Variants in ADAM28 observed in about 807,000 individuals in gnomAD.
ADAM28 encodes the protein disintegrin and metalloproteinase domain-containing protein 28.
Under a neutral mutation model 101.2 loss-of-function variants are expected in ADAM28, and 105 were observed. The observed-to-expected ratio is 1.04, with a 90% CI of 0.89 to 1.22. The LOEUF (loss-of-function observed/expected upper bound fraction) is 1.22, where lower values mean the gene tolerates loss of function less well. Ranked by LOEUF, ADAM28 falls within the 50% of genes most tolerant of loss-of-function variation. The pLI, the probability that ADAM28 is intolerant of heterozygous loss-of-function variation, is 0.00. For synonymous variants in ADAM28, 322 were observed against 310.6 expected, an observed-to-expected ratio of 1.04 and a Z score of -0.39; for missense variants, 1,028 against 945.4, an observed-to-expected ratio of 1.09 and a Z score of -1.15.
Position 24,349,890 on chromosome 8 carries a change from T to A in ADAM28, c.2017T>A (p.Phe673Ile). The A allele has an allele frequency of 6.2e-7, 1 of 1,613,684 alleles. No individual in the cohort carries two copies. The highest frequency in any genetic ancestry group is 1.1e-5 in the South Asian group (1 of 91,082). ...CTTCTCCATTGTGGTTGGGGTGCTG[T>A]TCCCAATGGCGGTCATTTTTGTGGT... Reference protein sequence around the residue: ...FHFSIVVGVLFPMAVIFVVVA... With the variant: ...FHFSIVVGVLIPMAVIFVVVA... The change falls in exon 19 of 23, where the codon TTC becomes ATC. Residue 673 changes from phenylalanine (F) to isoleucine (I), a missense_variant. Coordinates refer to ENST00000265769, the MANE Select transcript of ADAM28 (RefSeq NM_014265.6).
chr8:24,294,136 T>A lies in ADAM28; in HGVS notation c.-14T>A. On this transcript the variant is annotated 5_prime_UTR_variant, in exon 1 of 23. Transcript: ENST00000265769. Reference sequence around the variant, plus strand: ...GCGAGAAGAGCAGACACCGTGCTCCTGGAATCACCCAGCATGTTGCAAGGT... The same window carrying A: ...GCGAGAAGAGCAGACACCGTGCTCCAGGAATCACCCAGCATGTTGCAAGGT... 6.2e-7 allele frequency: 1 copy of A among 1,614,118 alleles called. No homozygotes were observed. Among genetic ancestry groups the A allele is most frequent in the Non-Finnish European group, 8.5e-7 (1 of 1,179,980 alleles).
intron 6 of ADAM28, among the ~76,000 whole-genome samples, chr8:24,317,300 T>C (rs1463673991): frequency 6.6e-6 from 1 of 151,882 alleles, no homozygotes; most frequent in Non-Finnish European, 1.5e-5. Flanking sequence ...TACAAAGATA[T>C]AGTAATCGAA....
intron 8 of ADAM28, among the ~76,000 whole-genome samples, chr8:24,323,394 A>G (rs1812134896): frequency 6.6e-6 from 1 of 151,994 alleles, no homozygotes; most frequent in Admixed American, 6.6e-5. Context: ...ACAACATTTC[A>G]TCATATCAAG....
intron 18 of ADAM28, among the ~76,000 whole-genome samples, chr8:24,344,091 A>T (rs781294903): frequency 6.6e-6 from 1 of 152,068 alleles, no homozygotes; most frequent in African/African-American, 2.4e-5. Context: ...TTCACACGGG[A>T]TGTCTCTGCA....
In ADAM28 at chr8:24,323,831, C is replaced by T. The variant is rs373668141; in HGVS notation, c.721-3C>T. ...TGCTTTGCCATTTATTTTCTTTGGA[C>T]AGCTTTATAAAAAGCTCAATACTCA... On this transcript the variant is annotated splice_region_variant and splice_polypyrimidine_tract_variant and intron_variant, in intron 8 of 22. Coordinates refer to ENST00000265769, the MANE Select transcript of ADAM28 (RefSeq NM_014265.6). The T allele has an allele frequency of 5.8e-5, 93 of 1,601,034 alleles. No individual in the cohort carries two copies. Among genetic ancestry groups the T allele is most frequent in the Non-Finnish European group, 7.8e-5 (91 of 1,173,588 alleles).
In ADAM28 at chr8:24,304,196, A is replaced by C. The variant is rs1256713284; in HGVS notation, c.150+4119A>C. Among the ~76,000 whole-genome samples, 6 of 150,100 alleles carry C rather than the reference A, an allele frequency of 4.0e-5. No homozygotes were observed. The Admixed American group carries it at 4.0e-4, about 10-fold the overall frequency. The stretch of plus-strand genomic sequence containing the variant: ...TTTTGAATATATATTTTGATTAACG[A>C]AAGCCATAGACTAGTTACTGGCTCA... On this transcript the variant is annotated intron_variant, in intron 2 of 22. Transcript: ENST00000265769.
intron 18 of ADAM28, among the ~76,000 whole-genome samples, chr8:24,345,183 T>A (rs1815263222): frequency 1.3e-5 from 2 of 152,066 alleles, no homozygotes; most frequent in African/African-American, 4.8e-5. Context: ...CTGGGTGATG[T>A]TCTGTTTCCA....
At position 24,343,164 on chromosome 8, in the gene ADAM28, A is replaced by T. The variant is rs376050372; in HGVS notation, c.1894A>T (p.Lys632Ter). 147 of 1,613,724 alleles carry T rather than the reference A, an allele frequency of 9.1e-5. No homozygotes were observed. Among genetic ancestry groups the T allele is most frequent in the Non-Finnish European group, 1.2e-4 (141 of 1,179,810 alleles). ...CTACAAATCAACCAATTGCTCATCT[A>T]AGTGCAAAGGACATGCTGTAAGTTC... is the stretch of plus-strand genomic sequence containing the variant. ...KAYKSTNCSS[K>*]CKGHAVCDHE... is the part of the protein sequence containing the mutation. The change falls in exon 17 of 23, where the codon AAG becomes TAG. Residue 632 changes from lysine to a stop codon, truncating the protein, a stop_gained. Transcript: ENST00000265769. LOFTEE classifies it high-confidence loss of function.
At chr8:24,322,942 T>G (rs1812074039) in intron 8 of ADAM28, among the ~76,000 whole-genome samples, 1 of 152,016 alleles carries the variant, frequency 6.6e-6, no homozygotes, top group Non-Finnish European at 1.5e-5. Flanking sequence ...TCATTATTTC[T>G]AAAGTTTATC....
rs971257750 is a variant in ADAM28 at position 24,356,588 on chromosome 8, A to C, written c.*2184A>C. Reference sequence around the variant, plus strand: ...CCAAGTCCTACAATGTTTCCCTTTCAGCTCAACTGCAGAATAGTTTAGAAC... The same window carrying C: ...CCAAGTCCTACAATGTTTCCCTTTCCGCTCAACTGCAGAATAGTTTAGAAC... On this transcript the variant is annotated 3_prime_UTR_variant, in exon 23 of 23. Transcript: ENST00000265769. 7 of 152,192 alleles carry C rather than the reference A, an allele frequency of 4.6e-5. No homozygotes were observed. Among genetic ancestry groups the C allele is most frequent in the African/African-American group, 1.7e-4 (7 of 41,460 alleles). The allele number at this position is 152,192 out of a possible 1,614,324, so 9.4% of individuals were successfully genotyped here.
chr8:24,332,663 T>C lies in ADAM28; in HGVS notation c.1285T>C (p.Cys429Arg), dbSNP rs772925282. 1.3e-5 allele frequency: 19 copies of C among 1,491,086 alleles called. No homozygotes were observed. In the East Asian group the frequency reaches 4.5e-4, roughly 36 times the overall value. 92.4% of individuals were successfully genotyped at this position (1,491,086 alleles called of 1,614,324 possible). The change falls in exon 13 of 23, where the codon TGT becomes CGT. Residue 429 changes from cysteine to arginine, a missense_variant. By Grantham distance (180) the Cys-to-Arg change is radical (BLOSUM62 -3). Coordinates refer to ENST00000265769, the MANE Select transcript of ADAM28 (RefSeq NM_014265.6). ...EDCDCGTSEECTNICCDAKTC... is the reference protein window; with the variant it reads ...EDCDCGTSEERTNICCDAKTC... ...ATTTGTTTCTCATATTTCTTAGGAA[T>C]GTACCAATATTTGCTGTGATGCTAA...
In ADAM28 at chr8:24,355,674, G is replaced by GATAGAA. The variant is rs1816637576; in HGVS notation, c.*1270_*1271insATAGAA. On this transcript the variant is annotated 3_prime_UTR_variant, in exon 23 of 23. Coordinates refer to ENST00000265769, the MANE Select transcript of ADAM28 (RefSeq NM_014265.6). ...ATGAAGGCTGAAAAAGATAGATAGAGCAGAAAGATGAAAAGAATAAAACCT... is the reference window on the plus strand; with the variant it reads ...ATGAAGGCTGAAAAAGATAGATAGAGATAGAACAGAAAGATGAAAAGAATAAAACCT... 2.9e-5 allele frequency: 1 copy of GATAGAA among 34,298 alleles called. No individual in the cohort carries two copies. The highest frequency in any genetic ancestry group is 2.9e-4 in the Admixed American group (1 of 3,458). The allele number at this position is 34,298 out of a possible 1,614,324, so 2.1% of individuals were successfully genotyped here. A position where few individuals can be genotyped will look rare whatever the true frequency, so the allele number is the denominator to read the frequency against.
chr8:24,340,697 C>T (rs1486771728), intron 15 of ADAM28, among the ~76,000 whole-genome samples: 1 of 152,080 alleles, frequency 6.6e-6, no homozygotes, highest in Non-Finnish European at 1.5e-5. Context: ...CTAAACCATC[C>T]TTTATCGCTT....
chr8:24,296,211 A>G (rs1020702786), intron 1 of ADAM28: 4 of 152,210 alleles, frequency 2.6e-5, no homozygotes, highest in African/African-American at 4.8e-5. Flanking sequence ...TTTATTTCAA[A>G]CTACCAGTTC....
chr8:24,300,126 C>A, intron 2 of ADAM28, 49 bp downstream of exon 2: 1 of 1,363,750 alleles, frequency 7.3e-7, no homozygotes, highest in Non-Finnish European at 1.0e-6. Context: ...TACATATATA[C>A]ACACATATAT....
intron 14 of ADAM28, among the ~76,000 whole-genome samples, chr8:24,338,844 A>G (rs76274515): frequency 0.18 from 26,769 of 152,028 alleles, 2,483 homozygotes; most frequent in East Asian, 0.35. Flanking sequence ...GAGAATGGCA[A>G]TAAGAATGGC....
chr8:24,318,390 T>C (rs369810369), intron 6 of ADAM28, among the ~76,000 whole-genome samples: 22 of 152,008 alleles, frequency 1.4e-4, no homozygotes, highest in African/African-American at 5.1e-4. Context: ...GAACCTCACA[T>C]AGCTCAATCC....
chr8:24,324,796 C>G (rs188060066), intron 9 of ADAM28, among the ~76,000 whole-genome samples: 1 of 152,066 alleles, frequency 6.6e-6, no homozygotes, highest in Non-Finnish European at 1.5e-5. Flanking sequence ...ATGTGCCTAA[C>G]TTGAGTTTCC....
At chr8:24,350,963 A>T (rs1023937863) in intron 19 of ADAM28, among the ~76,000 whole-genome samples, 7 of 151,938 alleles carry the variant, frequency 4.6e-5, no homozygotes, top group African/African-American at 1.7e-4. Context: ...ATAAAACAAC[A>T]TAATTTAGAT....
Sources: gnomAD v4.1 joint callset for allele counts (sites outside exome capture counted in the v4.1 genomes callset) on GRCh38, gnomAD v4.1.1 for gene constraint, MANE v1.5 for transcripts, NCBI Gene and HGNC (gene_info 2026-07-23, HGNC 2026-07-21) for gene names.